Variants in SHOC1 observed in about 807,000 individuals in gnomAD.
SHOC1 encodes shortage in chiasmata 1, also known as protein shortage in chiasmata 1 ortholog.
In SHOC1, 136 loss-of-function variants were observed where a neutral mutation model predicts 179.2. The ratio of observed to expected loss-of-function variants is 0.76; its 90% confidence interval spans 0.66 to 0.87. The LOEUF is 0.87. Among genes scored for constraint, SHOC1 ranks in the 40% least tolerant of loss-of-function variants. SHOC1 has a pLI of 0.00. For missense variants in SHOC1, 1,538 were observed against 1,700.8 expected (o/e 0.90, Z 1.68); for synonymous variants, 489 against 586.6 (o/e 0.83, Z 2.41).
At chr9:111,697,143 A>G (rs956002775) in intron 24 of SHOC1, among the ~76,000 whole-genome samples, 15 of 151,820 alleles carry the variant, frequency 9.9e-5, no homozygotes, top group African/African-American at 3.1e-4. Flanking sequence ...GGGAGGAGAG[A>G]TGATGCATCC....
chr9:111,762,370 AGTGAGCT>A (rs1471389084), intron 5 of SHOC1, among the ~76,000 whole-genome samples: 1 of 152,090 alleles, frequency 6.6e-6, no homozygotes, highest in African/African-American at 2.4e-5. Context: ...TCAAGGCTGC[AGTGAGCT>A]GTGATTGCAC....
intron 24 of SHOC1, among the ~76,000 whole-genome samples, chr9:111,697,824 C>T (rs1831774944): frequency 6.6e-6 from 1 of 152,174 alleles, no homozygotes; most frequent in South Asian, 2.1e-4. Flanking sequence ...TAAAAGTGTT[C>T]CTATTTCTCC....
chr9:111,765,523 G>A (rs1665108568), intron 5 of SHOC1, among the ~76,000 whole-genome samples: 1 of 152,056 alleles, frequency 6.6e-6, no homozygotes, highest in African/African-American at 2.4e-5. Context: ...CCAGGAGGCA[G>A]AGGTTGCAGT....
intron 5 of SHOC1, among the ~76,000 whole-genome samples, chr9:111,765,140 CA>C (rs528073844): frequency 0.23 from 27,008 of 117,032 alleles, 2,514 homozygotes; most frequent in Non-Finnish European, 0.27. Context: ...GACTCCGTCT[CA>C]AAAAAAAAAA....
chr9:111,729,761 G>A (rs187489894), intron 12 of SHOC1, among the ~76,000 whole-genome samples: 170 of 152,012 alleles, frequency 1.1e-3, no homozygotes, highest in Middle Eastern at 3.4e-3. Flanking sequence ...GCATGGTGGC[G>A]CATGCCTGTA....
Position 111,758,778 on chromosome 9 carries a change from G to A in SHOC1, c.513C>T (p.Leu171=). ...CCAAAAACAGTTTTAGTCTACTCAA[G>A]AGAGTAGGCAAAGTTGGTAGGTGTT... ...SRKHLPTLPT[L]LSRLKLFLVK... The change falls in exon 6 of 28, where the codon CTC becomes CTT. Residue 171 remains leucine (L), a synonymous_variant. Coordinates refer to ENST00000682961, the MANE Select transcript of SHOC1 (RefSeq NM_001378211.1). The A allele has an allele frequency of 6.3e-7, 1 of 1,598,110 alleles. No individual in the cohort carries two copies. The highest frequency in any genetic ancestry group is 8.5e-7 in the Non-Finnish European group (1 of 1,169,600).
intron 23 of SHOC1, among the ~76,000 whole-genome samples, chr9:111,700,857 TA>T (rs529517059): frequency 3.4e-4 from 52 of 152,006 alleles, no homozygotes; most frequent in Non-Finnish European, 6.5e-4. Flanking sequence ...GACCAGCCCT[TA>T]AAAAAAACCC....
chr9:111,763,010 G>A (rs1323269756), intron 5 of SHOC1, among the ~76,000 whole-genome samples: 1 of 151,886 alleles, frequency 6.6e-6, no homozygotes, highest in Non-Finnish European at 1.5e-5. Context: ...AAAATCAACT[G>A]CCTTTTGTTA....
chr9:111,772,033 C>G (rs1436105038), intron 5 of SHOC1, among the ~76,000 whole-genome samples: 9 of 151,968 alleles, frequency 5.9e-5, no homozygotes. Context: ...ATCAAGAATT[C>G]TTAGATTTGG....
chr9:111,773,388 T>A (rs1456736407), intron 5 of SHOC1, among the ~76,000 whole-genome samples: 2 of 151,956 alleles, frequency 1.3e-5, no homozygotes, highest in Non-Finnish European at 2.9e-5. Context: ...TCTCGGCTCA[T>A]GGCAACCTCT....
At chr9:111,792,149 A>G (rs745955410) in intron 1 of SHOC1, among the ~76,000 whole-genome samples, 83 of 152,232 alleles carry the variant, frequency 5.5e-4, no homozygotes, top group Non-Finnish European at 1.0e-3. Flanking sequence ...TAATGAAGCA[A>G]TAAGTAAAAT....
At chr9:111,737,295 G>C (rs1589425621) in intron 12 of SHOC1, among the ~76,000 whole-genome samples, 1 of 152,280 alleles carries the variant, frequency 6.6e-6, no homozygotes, top group East Asian at 1.9e-4. Flanking sequence ...TATCTCCTTA[G>C]ACCAATCTCC....
chr9:111,706,828 G>A, intron 19 of SHOC1, 82 bp from the exon 20 acceptor site: 1 of 981,364 alleles, frequency 1.0e-6, no homozygotes, highest in Non-Finnish European at 1.4e-6. Flanking sequence ...ACTGTTTTCT[G>A]GCTGTTCCAT....
chr9:111,714,343 G>A, intron 17 of SHOC1, 102 bp downstream of exon 17: 1 of 1,162,678 alleles, frequency 8.6e-7, no homozygotes, highest in East Asian at 2.4e-5. Context: ...GGACTAAGTA[G>A]TATAGACTAC....
At chr9:111,714,891 G>T (rs1396032945) in intron 16 of SHOC1, among the ~76,000 whole-genome samples, 2 of 152,142 alleles carry the variant, frequency 1.3e-5, no homozygotes, top group African/African-American at 4.8e-5. Flanking sequence ...CTCCTGGCTT[G>T]TTGAATGCTA....
At chr9:111,775,690 A>C (rs1835801764) in intron 5 of SHOC1, 101 bp downstream of exon 5, 2 of 931,704 alleles carry the variant, frequency 2.1e-6, no homozygotes, top group Non-Finnish European at 3.1e-6. Flanking sequence ...GTGGATCTTT[A>C]ATAAAAAATT....
chr9:111,776,581 A>T (rs977378341), intron 4 of SHOC1, among the ~76,000 whole-genome samples: 3 of 152,192 alleles, frequency 2.0e-5, no homozygotes, highest in Admixed American at 6.5e-5. Context: ...GAACTAACCA[A>T]GATTCCTTGT....
intron 15 of SHOC1, among the ~76,000 whole-genome samples, chr9:111,718,596 G>T (rs192881821): frequency 6.6e-6 from 1 of 152,248 alleles, no homozygotes; most frequent in Non-Finnish European, 1.5e-5. Context: ...TGCCCTTGTT[G>T]CTTCCAAAGA....
At chr9:111,776,565 C>G (rs946036368) in intron 4 of SHOC1, among the ~76,000 whole-genome samples, 2 of 152,172 alleles carry the variant, frequency 1.3e-5, no homozygotes, top group African/African-American at 2.4e-5. Context: ...GGAAGCTAAC[C>G]TCTATGAACT....
Sources: gnomAD v4.1 joint callset for allele counts (sites outside exome capture counted in the v4.1 genomes callset) on GRCh38, gnomAD v4.1.1 for gene constraint, MANE v1.5 for transcripts, NCBI Gene and HGNC (gene_info 2026-07-23, HGNC 2026-07-21) for gene names.